DLGAP2: variants seen among roughly 807,000 people sequenced by gnomAD.
DLGAP2 encodes the protein disks large-associated protein 2.
DLGAP2 carries 26 observed loss-of-function variants against 100.3 expected under a neutral mutation model. That is an observed-to-expected ratio of 0.26 (90% confidence interval 0.19 to 0.36). The LOEUF is 0.36. Among genes scored for constraint, DLGAP2 ranks in the 10% least tolerant of loss-of-function variants. The pLI is 1.00. For missense variants in DLGAP2, 1,858 were observed against 1,453.2 expected (o/e 1.28, Z -4.53); for synonymous variants, 886 against 630.1 (o/e 1.41, Z -6.08).
Position 1,190,651 on chromosome 8 carries a change from GC to G in DLGAP2, c.74-68199del, listed in dbSNP as rs1485394724. Among the ~76,000 whole-genome samples, 5 of 152,278 alleles carry G rather than the reference GC, an allele frequency of 3.3e-5. No homozygotes were observed. The East Asian group carries it at 9.7e-4, about 29-fold the overall frequency. On this transcript the variant is annotated intron_variant, in intron 2 of 14. Transcript: ENST00000637795. Reference sequence around the variant, plus strand: ...GTGCGAGGTTGTGAGTGTGTGGTTGGCTGGGAGGCTTATCCTCATCCTCCCA... The same window carrying G: ...GTGCGAGGTTGTGAGTGTGTGGTTGGTGGGAGGCTTATCCTCATCCTCCCA...
chr8:1,235,207 GTCTAGTTCTCTCACACATGGCA>G (rs879498695), intron 2 of DLGAP2, among the ~76,000 whole-genome samples: 3,202 of 115,586 alleles, frequency 0.028, 54 homozygotes, highest in Non-Finnish European at 0.038. Context: ...ATGGCGTCAT[GTCTAGTTCTCTCACACATGGCA>G]TGTCTAGTTC....
chr8:1,142,964 C>A (rs892946073), intron 2 of DLGAP2, among the ~76,000 whole-genome samples: 7 of 152,094 alleles, frequency 4.6e-5, no homozygotes, highest in Non-Finnish European at 8.8e-5. Flanking sequence ...GAGACTTTCC[C>A]AGGGAGAACT....
chr8:789,285 T>C (rs752832576), intron 1 of DLGAP2, among the ~76,000 whole-genome samples: 27 of 152,212 alleles, frequency 1.8e-4, no homozygotes, highest in Non-Finnish European at 2.9e-4. Context: ...CTGGGAGGCC[T>C]CAGGAAACTT....
At chr8:1,511,343 T>A (rs1043190106) in intron 4 of DLGAP2, among the ~76,000 whole-genome samples, 2 of 149,256 alleles carry the variant, frequency 1.3e-5, no homozygotes, top group Non-Finnish European at 1.5e-5. Context: ...ATGACCATCT[T>A]CCATGGACGT....
intron 3 of DLGAP2, among the ~76,000 whole-genome samples, chr8:1,359,126 G>T (rs1215040185): frequency 6.6e-6 from 1 of 152,182 alleles, no homozygotes; most frequent in Non-Finnish European, 1.5e-5. Context: ...GGGACTGCAC[G>T]TGGAGAACCA....
intron 2 of DLGAP2, among the ~76,000 whole-genome samples, chr8:1,020,124 A>G (rs961414182): frequency 5.9e-5 from 9 of 152,344 alleles, no homozygotes; most frequent in African/African-American, 1.9e-4. Context: ...AAATCATACA[A>G]TTATTCAAGT....
chr8:1,677,274 C>T (rs761258402), intron 11 of DLGAP2, among the ~76,000 whole-genome samples: 5 of 152,078 alleles, frequency 3.3e-5, no homozygotes, highest in Admixed American at 6.5e-5. Flanking sequence ...AAAGAAATTC[C>T]GACCCCAGCT....
chr8:1,489,207 G>A lies in DLGAP2; in HGVS notation c.107-12159G>A, dbSNP rs189944033. Among the ~76,000 whole-genome samples the A allele has an allele frequency of 1.1e-4, 17 of 152,284 alleles. No individual in the cohort carries two copies. The South Asian group carries it at 1.7e-3, about 15-fold the overall frequency. ...TGAAGTTTGAGCTGCTCGAGAATGC[G>A]ACTAGTGTGCTTCTGATGCGTGGAG... On this transcript the variant is annotated intron_variant, in intron 3 of 14. Coordinates refer to ENST00000637795, the MANE Select transcript of DLGAP2 (RefSeq NM_001346810.2).
intron 1 of DLGAP2, among the ~76,000 whole-genome samples, chr8:775,428 A>C (rs1182971601): frequency 0.01 from 1,470 of 143,954 alleles, 29 homozygotes; most frequent in African/African-American, 0.036. Context: ...GTCTTGTGCC[A>C]GTTTTCAAAG....
chr8:818,099 G>A (rs762728906), intron 1 of DLGAP2, among the ~76,000 whole-genome samples: 17 of 152,150 alleles, frequency 1.1e-4, no homozygotes, highest in Non-Finnish European at 2.1e-4. Flanking sequence ...ACCAGGGTGG[G>A]TAGAGAAAGA....
chr8:1,299,229 G>A (rs779423408), intron 3 of DLGAP2, among the ~76,000 whole-genome samples: 2 of 152,202 alleles, frequency 1.3e-5, no homozygotes, highest in African/African-American at 2.4e-5. Flanking sequence ...TCTGGGCTCC[G>A]CCATAGATGC....
intron 8 of DLGAP2, among the ~76,000 whole-genome samples, chr8:1,634,587 A>G (rs1356772541): frequency 1.3e-5 from 2 of 152,232 alleles, no homozygotes; most frequent in Non-Finnish European, 2.9e-5. Context: ...AATTAGAATC[A>G]GGGAAGTAAT....
At chr8:1,041,664 TCCGAGCCC>T (rs1802353295) in intron 2 of DLGAP2, among the ~76,000 whole-genome samples, 1 of 76,340 alleles carries the variant, frequency 1.3e-5, no homozygotes, top group Non-Finnish European at 2.7e-5. Flanking sequence ...GTGAGTGTTC[TCCGAGCCC>T]CTTGCCGTGG....
intron 3 of DLGAP2, among the ~76,000 whole-genome samples, chr8:1,468,823 G>T (rs1798703017): frequency 6.6e-6 from 1 of 152,156 alleles, no homozygotes; most frequent in African/African-American, 2.4e-5. Flanking sequence ...CACTCTCCAT[G>T]GATGCCAGCA....
intron 3 of DLGAP2, among the ~76,000 whole-genome samples, chr8:1,296,578 GAATA>G (rs1435275063): frequency 6.6e-6 from 1 of 152,142 alleles, no homozygotes; most frequent in Non-Finnish European, 1.5e-5. Context: ...GATTCTATAT[GAATA>G]AATATTTTTC....
At chr8:1,160,060 G>A (rs554341919) in intron 2 of DLGAP2, among the ~76,000 whole-genome samples, 3 of 152,306 alleles carry the variant, frequency 2.0e-5, no homozygotes, top group Non-Finnish European at 4.4e-5. Flanking sequence ...GAGCCCCCAC[G>A]GCACCTCACA....
intron 3 of DLGAP2, among the ~76,000 whole-genome samples, chr8:1,367,504 C>T (rs1802134558): frequency 6.6e-6 from 1 of 152,160 alleles, no homozygotes; most frequent in Non-Finnish European, 1.5e-5. Context: ...GGCGGAATTC[C>T]AAAAGTCCAG....
intron 3 of DLGAP2, among the ~76,000 whole-genome samples, chr8:1,388,651 AG>A (rs1354024892): frequency 1.7e-4 from 13 of 77,134 alleles, no homozygotes; most frequent in South Asian, 9.3e-4. Flanking sequence ...GGGCTGTGAG[AG>A]GCAGACGCCG....
intron 2 of DLGAP2, among the ~76,000 whole-genome samples, chr8:1,005,649 G>T (rs892296572): frequency 6.6e-6 from 1 of 151,298 alleles, no homozygotes; most frequent in South Asian, 2.1e-4. Context: ...CAAATTCCTA[G>T]GTTCAAGTGA....
Sources: gnomAD v4.1 joint callset for allele counts (sites outside exome capture counted in the v4.1 genomes callset) on GRCh38, gnomAD v4.1.1 for gene constraint, MANE v1.5 for transcripts, NCBI Gene and HGNC (gene_info 2026-07-23, HGNC 2026-07-21) for gene names.